KCTD1: variants seen among roughly 807,000 people sequenced by gnomAD.
The protein encoded by KCTD1 is potassium channel tetramerization domain containing 1.
Under a neutral mutation model 66.0 loss-of-function variants are expected in KCTD1, and 24 were observed. The ratio of observed to expected loss-of-function variants is 0.36; its 90% confidence interval spans 0.26 to 0.51. The LOEUF is 0.51. Among genes scored for constraint, KCTD1 ranks in the 20% least tolerant of loss-of-function variants. The probability of loss-of-function intolerance (pLI) is 0.95; values close to 1 mark genes in which losing one functional copy is unlikely to be tolerated. For missense variants in KCTD1, 943 were observed against 1,205.2 expected (o/e 0.78, Z 3.22); for synonymous variants, 511 against 517.2 (o/e 0.99, Z 0.16).
chr18:26,470,744 C>T (rs1024909854), intron 3 of KCTD1, among the ~76,000 whole-genome samples: 13 of 152,216 alleles, frequency 8.5e-5, no homozygotes, highest in Admixed American at 6.5e-5. Context: ...CGTGTGACCA[C>T]GGAGAGTCAG....
At chr18:26,600,704 C>G (rs1325790201) in intron 1 of KCTD1, among the ~76,000 whole-genome samples, 1 of 151,888 alleles carries the variant, frequency 6.6e-6, no homozygotes, top group Non-Finnish European at 1.5e-5. Context: ...GCTGCAGACC[C>G]CTGCCCTGAG....
chr18:26,544,901 C>T (rs1206575507), intron 1 of KCTD1: 2 of 152,174 alleles, frequency 1.3e-5, no homozygotes, highest in East Asian at 3.8e-4. Context: ...CATATATGGA[C>T]ACTCAAATCT....
chr18:26,539,632 G>A (rs1426314245), intron 1 of KCTD1, among the ~76,000 whole-genome samples: 1 of 152,184 alleles, frequency 6.6e-6, no homozygotes, highest in African/African-American at 2.4e-5. Flanking sequence ...CAAGATGGGA[G>A]CCTCGTGCCT....
rs537945848 is a variant in KCTD1, at chr18:26,511,250, C to A, written c.1810-10000G>T. Among the ~76,000 whole-genome samples the A allele has an allele frequency of 1.7e-3, 257 of 152,258 alleles. 1 individual carries two copies. The highest frequency in any genetic ancestry group is 5.6e-3 in the African/African-American group (232 of 41,536). ...TAATTTTCTTGCCAGGGAGGAAACA[C>A]GTGGAACTGAAAATTAAATGGGCTT... is the stretch of plus-strand genomic sequence containing the variant. On this transcript the variant is annotated intron_variant, in intron 1 of 4. Coordinates refer to ENST00000580059, the MANE Select transcript of KCTD1 (RefSeq NM_001142730.3).
chr18:26,626,982 G>C (rs1220642827), intron 1 of KCTD1, among the ~76,000 whole-genome samples: 1 of 152,140 alleles, frequency 6.6e-6, no homozygotes, highest in Non-Finnish European at 1.5e-5. Context: ...AATGATGCTT[G>C]TTCCTCTTTC....
At chr18:26,545,226 C>A (rs914558414) in intron 1 of KCTD1, 3 of 152,130 alleles carry the variant, frequency 2.0e-5, no homozygotes, top group African/African-American at 7.2e-5. Context: ...TAATCAGGTG[C>A]TATTCTAAAT....
chr18:26,621,477 C>A (rs1252191873), intron 1 of KCTD1, among the ~76,000 whole-genome samples: 1 of 152,036 alleles, frequency 6.6e-6, no homozygotes, highest in African/African-American at 2.4e-5. Context: ...AGAGCTGAGT[C>A]TGCAATCTGG....
intron 1 of KCTD1, among the ~76,000 whole-genome samples, chr18:26,621,057 T>C (rs1039468923): frequency 7.2e-5 from 11 of 151,892 alleles, no homozygotes; most frequent in African/African-American, 2.7e-4. Context: ...ATGGTCTTGA[T>C]CTCCTGACCT....
At chr18:26,630,142 A>C (rs932111018), upstream of KCTD1, among the ~76,000 whole-genome samples, 1 of 152,196 alleles carries the variant, frequency 6.6e-6, no homozygotes, top group African/African-American at 2.4e-5. Context: ...GTGCAAAAGC[A>C]ATGATGGGTA....
intron 1 of KCTD1, among the ~76,000 whole-genome samples, chr18:26,513,572 G>A (rs2144723901): frequency 6.6e-6 from 1 of 152,326 alleles, no homozygotes; most frequent in South Asian, 2.1e-4. Flanking sequence ...CAACAACATA[G>A]AGACGAAGTT....
At chr18:26,487,098 C>T (rs1016735722) in intron 2 of KCTD1, among the ~76,000 whole-genome samples, 84 of 152,336 alleles carry the variant, frequency 5.5e-4, no homozygotes, top group African/African-American at 1.9e-3. Context: ...CTCAGACACA[C>T]ACACACACGA....
intron 1 of KCTD1, among the ~76,000 whole-genome samples, chr18:26,607,563 TA>T (rs1333530094): frequency 6.6e-6 from 1 of 152,212 alleles, no homozygotes; most frequent in Non-Finnish European, 1.5e-5. Flanking sequence ...TAGTTTCTTA[TA>T]ATGCCTAGGT....
intron 1 of KCTD1, among the ~76,000 whole-genome samples, chr18:26,602,495 A>T (rs1986920260): frequency 6.6e-6 from 1 of 152,174 alleles, no homozygotes; most frequent in Non-Finnish European, 1.5e-5. Flanking sequence ...CATTTTTTGA[A>T]AGTATTTAAT....
At chr18:26,549,778 AGGCGCGC>A, upstream of KCTD1, 1 of 985,356 alleles carries the variant, frequency 1.0e-6, no homozygotes, top group Non-Finnish European at 1.2e-6. Context: ...GCGCTGCCTC[AGGCGCGC>A]GGGGGCGGGC....
At chr18:26,590,362 T>C (rs1239461384) in intron 1 of KCTD1, among the ~76,000 whole-genome samples, 1 of 152,186 alleles carries the variant, frequency 6.6e-6, no homozygotes, top group African/African-American at 2.4e-5. Context: ...ATGCTGGGAT[T>C]ACAGGCATGA....
chr18:26,593,336 A>AGAGGAGGAAGAGAAG (rs1986657610), intron 1 of KCTD1, among the ~76,000 whole-genome samples: 1 of 115,318 alleles, frequency 8.7e-6, no homozygotes, highest in African/African-American at 3.3e-5. Flanking sequence ...AGGAGGAGGA[A>AGAGGAGGAAGAGAAG]GAGGAGGAAG....
rs1285712641 is a variant in KCTD1, at chr18:26,593,628, A to AGACAAG, written c.-16+35518_-16+35519insCTTGTC. Among the ~76,000 whole-genome samples the AGACAAG allele has an allele frequency of 2.0e-3, 143 of 70,454 alleles. 12 individuals carry two copies. The highest frequency in any genetic ancestry group is 3.8e-3 in the South Asian group (7 of 1,848). The allele number at this position is 70,454 out of a possible 152,430, so 46.2% of individuals were successfully genotyped here. On this transcript the variant is annotated intron_variant, in intron 1 of 4. Coordinates refer to the KCTD1 transcript ENST00000317932. ...AGAAGGAAGACAAGGAGGAGGAGGA[A>AGACAAG]GATGAGGAGGAAGAGAAGGAAGAGG... is the stretch of plus-strand genomic sequence containing the variant.
chr18:26,539,585 G>T (rs1313000029), intron 1 of KCTD1, among the ~76,000 whole-genome samples: 4 of 152,212 alleles, frequency 2.6e-5, no homozygotes, highest in African/African-American at 9.6e-5. Flanking sequence ...ACTCTCCAAT[G>T]AATGAATCAA....
intron 1 of KCTD1, among the ~76,000 whole-genome samples, chr18:26,636,429 T>A (rs563756199): frequency 6.6e-6 from 1 of 152,184 alleles, no homozygotes; most frequent in Non-Finnish European, 1.5e-5. Context: ...TTGCAGCAAC[T>A]TCCTGGAATT....
Sources: gnomAD v4.1 joint callset for allele counts (sites outside exome capture counted in the v4.1 genomes callset) on GRCh38, gnomAD v4.1.1 for gene constraint, MANE v1.5 for transcripts, NCBI Gene and HGNC (gene_info 2026-07-23, HGNC 2026-07-21) for gene names.